CTDSPL: variants seen among roughly 807,000 people sequenced by gnomAD.
CTDSPL encodes CTD small phosphatase like, also known as CTD small phosphatase-like protein.
Under a neutral mutation model 30.5 loss-of-function variants are expected in CTDSPL, and 8 were observed. The observed-to-expected ratio is 0.26, with a 90% CI of 0.15 to 0.47. The LOEUF (loss-of-function observed/expected upper bound fraction) is 0.47, where lower values mean the gene tolerates loss of function less well. Ranked by LOEUF, CTDSPL falls within the 20% of genes least tolerant of loss-of-function variation. The probability of loss-of-function intolerance (pLI) is 0.99; values close to 1 mark genes in which losing one functional copy is unlikely to be tolerated. For synonymous variants in CTDSPL, 110 were observed against 137.9 expected, an observed-to-expected ratio of 0.80 and a Z score of 1.42; for missense variants, 248 against 366.1, an observed-to-expected ratio of 0.68 and a Z score of 2.63.
At chr3:37,954,221 G>A (rs2125625823) in intron 2 of CTDSPL, among the ~76,000 whole-genome samples, 1 of 152,350 alleles carries the variant, frequency 6.6e-6, no homozygotes, top group Middle Eastern at 3.4e-3. Flanking sequence ...AGTTCCTCCA[G>A]CAGAGCTGAG....
intron 1 of CTDSPL, among the ~76,000 whole-genome samples, chr3:37,876,221 G>A (rs1281761999): frequency 6.6e-6 from 1 of 152,030 alleles, no homozygotes; most frequent in Admixed American, 6.6e-5. Flanking sequence ...TCCAGCCTGA[G>A]TGACAGAGCA....
intron 2 of CTDSPL, among the ~76,000 whole-genome samples, chr3:37,953,138 A>T (rs900663581): frequency 5.9e-5 from 9 of 152,218 alleles, no homozygotes; most frequent in Non-Finnish European, 2.9e-5. Flanking sequence ...TATCTTACTA[A>T]TCCTTCAAAA....
Position 37,923,191 on chromosome 3 carries a change from T to G in CTDSPL, c.80-23866T>G, listed in dbSNP as rs80210878. Among the ~76,000 whole-genome samples the G allele has an allele frequency of 2.2e-3, 340 of 152,134 alleles. 5 individuals are homozygous for G. The East Asian group carries it at 0.057, about 25-fold the overall frequency. On this transcript the variant is annotated intron_variant, in intron 1 of 7. Coordinates refer to ENST00000273179, the MANE Select transcript of CTDSPL (RefSeq NM_001008392.2). ...TGGGACAGGATGACTGCTGAGCATATGGGGAGAAGAGCCTGGGCCTGGCAG... is the reference window on the plus strand; with the variant it reads ...TGGGACAGGATGACTGCTGAGCATAGGGGGAGAAGAGCCTGGGCCTGGCAG...
chr3:37,901,594 C>A (rs1053068122), intron 1 of CTDSPL, among the ~76,000 whole-genome samples: 2 of 152,148 alleles, frequency 1.3e-5, no homozygotes, highest in Non-Finnish European at 2.9e-5. Flanking sequence ...ATTTATTGTG[C>A]ATTTACTATG....
intron 1 of CTDSPL, among the ~76,000 whole-genome samples, chr3:37,893,545 C>G (rs1559626501): frequency 2.0e-5 from 3 of 152,204 alleles, no homozygotes. Flanking sequence ...CGAATGTGTC[C>G]TTTCAGGATA....
At chr3:37,955,077 G>A (rs1452559392) in intron 2 of CTDSPL, 4 of 152,368 alleles carry the variant, frequency 2.6e-5, no homozygotes, top group Non-Finnish European at 5.9e-5. Context: ...CCTGTGTGCA[G>A]GGGCTGTCTG....
chr3:37,980,737 T>C lies in CTDSPL; in HGVS notation c.706-5T>C. 6.2e-7 allele frequency: 1 copy of C among 1,614,146 alleles called. No homozygotes were observed. Among genetic ancestry groups the C allele is most frequent in the Non-Finnish European group, 8.5e-7 (1 of 1,180,016 alleles). ...CTGCTGCCTCCTCCATGCACTGTCT[T>C]CCAGGTGCCTGTGCAGTCCTGGTTC... On this transcript the variant is annotated splice_region_variant and splice_polypyrimidine_tract_variant and intron_variant, in intron 7 of 7. Coordinates refer to ENST00000273179, the MANE Select transcript of CTDSPL (RefSeq NM_001008392.2).
At chr3:37,971,593 G>C in intron 6 of CTDSPL, 94 bp downstream of exon 6, 1 of 1,149,134 alleles carries the variant, frequency 8.7e-7, no homozygotes. Context: ...TTGTTTTGGT[G>C]GGGGAAGCCA....
intron 1 of CTDSPL, among the ~76,000 whole-genome samples, chr3:37,891,765 A>G (rs1005286016): frequency 6.6e-6 from 1 of 152,216 alleles, no homozygotes; most frequent in Non-Finnish European, 1.5e-5. Flanking sequence ...AAGGATTGCC[A>G]TCCCTCACCC....
intron 4 of CTDSPL, among the ~76,000 whole-genome samples, chr3:37,967,108 G>A (rs1484660014): frequency 2.0e-5 from 3 of 152,176 alleles, no homozygotes; most frequent in African/African-American, 4.8e-5. Flanking sequence ...TCCTTGGAGC[G>A]GAGCAGGCAT....
chr3:37,958,042 C>G (rs1233537245), intron 3 of CTDSPL, among the ~76,000 whole-genome samples: 1 of 152,170 alleles, frequency 6.6e-6, no homozygotes, highest in East Asian at 1.9e-4. Flanking sequence ...TTACTTGATT[C>G]AAATGTGTTC....
chr3:37,899,799 A>C (rs879833258), intron 1 of CTDSPL, among the ~76,000 whole-genome samples: 2 of 152,210 alleles, frequency 1.3e-5, no homozygotes, highest in African/African-American at 2.4e-5. Flanking sequence ...TAGTTGTTAA[A>C]AGAATGGGCT....
intron 1 of CTDSPL, among the ~76,000 whole-genome samples, chr3:37,900,558 G>T (rs1698437415): frequency 6.6e-6 from 1 of 152,122 alleles, no homozygotes; most frequent in African/African-American, 2.4e-5. Flanking sequence ...AGGAACTGTA[G>T]AAATCTTATG....
intron 1 of CTDSPL, among the ~76,000 whole-genome samples, chr3:37,906,308 A>T (rs923143761): frequency 2.0e-5 from 3 of 152,180 alleles, no homozygotes; most frequent in African/African-American, 7.2e-5. Context: ...GCTCTGTCTC[A>T]GGGGTCCAGC....
At chr3:37,864,172 T>G (rs1414560144) in intron 1 of CTDSPL, among the ~76,000 whole-genome samples, 1 of 152,196 alleles carries the variant, frequency 6.6e-6, no homozygotes, top group African/African-American at 2.4e-5. Flanking sequence ...TCCACAGCTC[T>G]TTGAGGAGAG....
chr3:37,904,339 G>C (rs982062183), intron 1 of CTDSPL, among the ~76,000 whole-genome samples: 4 of 152,166 alleles, frequency 2.6e-5, no homozygotes, highest in Non-Finnish European at 5.9e-5. Flanking sequence ...AGGAGAAGGA[G>C]GAGTGGGGCA....
At chr3:37,917,736 A>G (rs1698666347) in intron 1 of CTDSPL, among the ~76,000 whole-genome samples, 2 of 152,236 alleles carry the variant, frequency 1.3e-5, no homozygotes, top group Non-Finnish European at 2.9e-5. Context: ...GCAATGAAAC[A>G]TTCATTCTTT....
intron 1 of CTDSPL, among the ~76,000 whole-genome samples, chr3:37,891,993 G>A (rs1698333623): frequency 6.6e-6 from 1 of 152,114 alleles, no homozygotes; most frequent in Admixed American, 6.5e-5. Flanking sequence ...TACAACTTTT[G>A]TTTCTGTTGA....
At chr3:37,940,811 G>GCAAAAAATGT (rs1307871127) in intron 1 of CTDSPL, among the ~76,000 whole-genome samples, 1 of 150,184 alleles carries the variant, frequency 6.7e-6, no homozygotes, top group Non-Finnish European at 1.5e-5. Context: ...ATTCTGGCAG[G>GCAAAAAATGT]CAAAAAATGT....
Sources: allele counts gnomAD v4.1 joint callset (sites outside exome capture counted in the v4.1 genomes callset), GRCh38; gene constraint gnomAD v4.1.1; transcripts MANE v1.5; gene names NCBI Gene and HGNC (gene_info 2026-07-23, HGNC 2026-07-21).